Variants in ASIC2 observed in about 807,000 individuals in gnomAD.
The protein encoded by ASIC2 is acid-sensing ion channel 2.
ASIC2 carries 25 observed loss-of-function variants against 57.3 expected under a neutral mutation model. The observed-to-expected ratio is 0.44, with a 90% CI of 0.32 to 0.61. The LOEUF (loss-of-function observed/expected upper bound fraction) is 0.61. ASIC2 is among the 20% of genes least tolerant of loss of function. The pLI is 0.06. For missense variants in ASIC2, 641 were observed against 738.1 expected, an observed-to-expected ratio of 0.87 and a Z score of 1.52; for synonymous variants, 319 against 307.5, an observed-to-expected ratio of 1.04 and a Z score of -0.39.
At chr17:33,706,754 T>C (rs1385993535) in intron 1 of ASIC2, among the ~76,000 whole-genome samples, 3 of 152,216 alleles carry the variant, frequency 2.0e-5, no homozygotes, top group Admixed American at 2.0e-4. Flanking sequence ...TTCAAGCACA[T>C]GAAATAATCT....
chr17:33,605,595 T>A (rs560667376), intron 1 of ASIC2, among the ~76,000 whole-genome samples: 1 of 151,870 alleles, frequency 6.6e-6, no homozygotes, highest in South Asian at 2.1e-4. Flanking sequence ...ATTCCATGTG[T>A]TGAAAGCTAC....
rs1321558215 is a variant in ASIC2, at chr17:33,390,918, A to T, written c.556-278851T>A. ...AACCCACACTCAAGGGGCAGGGATT[A>T]CATAAGTGCTTGAATACAGGAGGAA... On this transcript the variant is annotated intron_variant, in intron 1 of 9. Transcript: ENST00000359872. Among the ~76,000 whole-genome samples, 12 of 152,234 alleles carry T rather than the reference A, an allele frequency of 7.9e-5. No homozygotes were observed. In the South Asian group the frequency reaches 1.9e-3, roughly 24 times the overall value.
At chr17:33,907,976 T>C (rs940087399) in intron 1 of ASIC2, among the ~76,000 whole-genome samples, 5 of 152,202 alleles carry the variant, frequency 3.3e-5, no homozygotes, top group Non-Finnish European at 7.3e-5. Flanking sequence ...GCAGTTTTTT[T>C]CCCTCACACT....
intron 2 of ASIC2, among the ~76,000 whole-genome samples, chr17:33,091,836 C>T (rs1404794463): frequency 3.9e-5 from 6 of 152,182 alleles, no homozygotes; most frequent in East Asian, 1.9e-4. Flanking sequence ...AAGATGGGAA[C>T]GTGCTATTCC....
At chr17:33,120,148 A>G (rs1285563244) in intron 1 of ASIC2, among the ~76,000 whole-genome samples, 1 of 152,198 alleles carries the variant, frequency 6.6e-6, no homozygotes, top group Non-Finnish European at 1.5e-5. Flanking sequence ...AAGGTTTAGC[A>G]TTATTTGAAT....
intron 1 of ASIC2, among the ~76,000 whole-genome samples, chr17:33,140,490 A>T (rs1225359912): frequency 6.6e-6 from 1 of 152,202 alleles, no homozygotes; most frequent in African/African-American, 2.4e-5. Context: ...CTATGATGGG[A>T]ATTACAGCAA....
At chr17:33,816,126 A>G (rs1001973493) in intron 1 of ASIC2, among the ~76,000 whole-genome samples, 12 of 116,524 alleles carry the variant, frequency 1.0e-4, no homozygotes, top group African/African-American at 3.3e-4. Context: ...CTTCCAGAGC[A>G]GGTGACACAT....
chr17:33,447,743 G>A (rs1912079291), intron 1 of ASIC2, among the ~76,000 whole-genome samples: 1 of 152,028 alleles, frequency 6.6e-6, no homozygotes. Context: ...TAGAATCAGA[G>A]GACTGAGATA....
chr17:33,526,135 A>T (rs1233656098), intron 1 of ASIC2, among the ~76,000 whole-genome samples: 1 of 152,206 alleles, frequency 6.6e-6, no homozygotes, highest in Non-Finnish European at 1.5e-5. Context: ...TCCCTGTTTT[A>T]TGTGTCAGGG....
At chr17:33,485,369 C>T (rs1389301749) in intron 1 of ASIC2, among the ~76,000 whole-genome samples, 1 of 152,206 alleles carries the variant, frequency 6.6e-6, no homozygotes, top group Non-Finnish European at 1.5e-5. Context: ...AAGGGCACTG[C>T]CTCCCTGGCC....
At chr17:33,790,740 T>G (rs890695025) in intron 1 of ASIC2, among the ~76,000 whole-genome samples, 1 of 152,078 alleles carries the variant, frequency 6.6e-6, no homozygotes, top group Non-Finnish European at 1.5e-5. Flanking sequence ...TATCATCTCT[T>G]ATTGGGTTCT....
At chr17:33,224,260 C>A (rs542225213) in intron 1 of ASIC2, among the ~76,000 whole-genome samples, 25 of 152,296 alleles carry the variant, frequency 1.6e-4, no homozygotes, top group Admixed American at 3.9e-4. Flanking sequence ...TTGAATTATT[C>A]ATGAGGCCAG....
At chr17:33,909,979 A>C (rs568384521) in intron 1 of ASIC2, among the ~76,000 whole-genome samples, 89 of 152,246 alleles carry the variant, frequency 5.8e-4, no homozygotes, top group Admixed American at 2.7e-3. Context: ...ATTTCTGCAG[A>C]CCTCAGTCTC....
intron 1 of ASIC2, among the ~76,000 whole-genome samples, chr17:33,251,669 A>G (rs534149296): frequency 2.0e-5 from 3 of 152,278 alleles, no homozygotes; most frequent in Non-Finnish European, 4.4e-5. Context: ...CTTTTAGACC[A>G]ATGTAATGAA....
intron 1 of ASIC2, among the ~76,000 whole-genome samples, chr17:33,655,007 A>G (rs1357359794): frequency 6.6e-6 from 1 of 152,194 alleles, no homozygotes; most frequent in African/African-American, 2.4e-5. Context: ...CTAAGTCTTG[A>G]AAAAGCAGTC....
intron 1 of ASIC2, among the ~76,000 whole-genome samples, chr17:33,835,350 A>G (rs2141903831): frequency 6.6e-6 from 1 of 152,300 alleles, no homozygotes; most frequent in Middle Eastern, 3.4e-3. Context: ...AGCCGTCAGT[A>G]CTTTGTACGT....
intron 1 of ASIC2, among the ~76,000 whole-genome samples, chr17:33,692,763 A>G (rs754413198): frequency 5.9e-5 from 9 of 152,178 alleles, no homozygotes; most frequent in Non-Finnish European, 1.0e-4. Flanking sequence ...CAGCATCACT[A>G]CAAACACATG....
intron 1 of ASIC2, among the ~76,000 whole-genome samples, chr17:33,613,671 T>C (rs749250468): frequency 1.8e-4 from 27 of 152,190 alleles, no homozygotes; most frequent in Non-Finnish European, 3.5e-4. Flanking sequence ...CTGGCCCACA[T>C]GTATTCTCTT....
In ASIC2 at chr17:33,789,464, T is replaced by TCACA. The variant is rs3064584; in HGVS notation, c.555+366510_555+366513dup. Among the ~76,000 whole-genome samples, 1,253 of 144,484 alleles carry TCACA rather than the reference T, an allele frequency of 8.7e-3. 16 individuals are homozygous for TCACA. Among genetic ancestry groups the TCACA allele is most frequent in the East Asian group, 0.06 (287 of 4,780 alleles). 94.8% of individuals were successfully genotyped at this position (144,484 alleles called of 152,430 possible). A position where few individuals can be genotyped will look rare whatever the true frequency, so the allele number is the denominator to read the frequency against. On this transcript the variant is annotated intron_variant, in intron 1 of 9. Transcript: ENST00000359872. Reference sequence around the variant, plus strand: ...TGTGAGATTTAGCAGAGAATCATGGTCACACACACACACACACACACACAC... The same window carrying TCACA: ...TGTGAGATTTAGCAGAGAATCATGGTCACACACACACACACACACACACACACAC...
Sources: allele counts gnomAD v4.1 joint callset (sites outside exome capture counted in the v4.1 genomes callset), GRCh38; gene constraint gnomAD v4.1.1; transcripts MANE v1.5; gene names NCBI Gene and HGNC (gene_info 2026-07-23, HGNC 2026-07-21).